Variants in MAST4 observed in about 807,000 individuals in gnomAD.
MAST4 encodes the protein microtubule-associated serine/threonine-protein kinase 4.
MAST4 carries 89 observed loss-of-function variants against 162.7 expected under a neutral mutation model. The ratio of observed to expected loss-of-function variants is 0.55; its 90% CI spans 0.46 to 0.65. The LOEUF (loss-of-function observed/expected upper bound fraction) is 0.65. MAST4 is among the 30% of genes least tolerant of loss of function. The pLI, the probability that MAST4 is intolerant of heterozygous loss-of-function variation, is 0.00. For missense variants in MAST4, 3,153 were observed against 3,374.0 expected (o/e 0.93, Z 1.62); for synonymous variants, 1,479 against 1,361.1 (o/e 1.09, Z -1.91).
At chr5:66,806,788 C>CT (rs1331737750) in intron 3 of MAST4, among the ~76,000 whole-genome samples, 1 of 152,032 alleles carries the variant, frequency 6.6e-6, no homozygotes, top group Non-Finnish European at 1.5e-5. Context: ...AAAATGTGTA[C>CT]TTTTTTATTA....
intron 1 of MAST4, among the ~76,000 whole-genome samples, chr5:66,664,856 C>T (rs916392266): frequency 1.3e-5 from 2 of 151,936 alleles, no homozygotes; most frequent in Non-Finnish European, 2.9e-5. Flanking sequence ...AACATTACAA[C>T]GAGAAAGTGA....
intron 1 of MAST4, among the ~76,000 whole-genome samples, chr5:66,677,298 G>C (rs745875654): frequency 1.2e-4 from 19 of 152,106 alleles, no homozygotes; most frequent in Non-Finnish European, 2.2e-4. Flanking sequence ...AAGTTACAAC[G>C]GCAATCACCA....
chr5:66,865,985 G>A (rs1004051023), intron 3 of MAST4, among the ~76,000 whole-genome samples: 4 of 148,228 alleles, frequency 2.7e-5, no homozygotes, highest in African/African-American at 1.0e-4. Context: ...TGAGGCAGGA[G>A]AATCGCTTGA....
rs551699273 is a variant in MAST4 at position 66,692,420 on chromosome 5, T to C, written c.364-67289T>C. Among the ~76,000 whole-genome samples, 349 of 152,072 alleles carry C rather than the reference T, an allele frequency of 2.3e-3. 1 individual carries two copies. The highest frequency in any genetic ancestry group is 3.4e-3 in the Middle Eastern group (1 of 294). On this transcript the variant is annotated intron_variant, in intron 1 of 28. Coordinates refer to ENST00000403625, the MANE Select transcript of MAST4 (RefSeq NM_001164664.2). Reference sequence around the variant, plus strand: ...TCTCCTCTCTTGCTCTCTTTTTTTTTTTTTTACTTTATTGTAGGGCTGTCC... The same window carrying C: ...TCTCCTCTCTTGCTCTCTTTTTTTTCTTTTTACTTTATTGTAGGGCTGTCC...
chr5:66,616,974 G>A (rs1013192403), intron 1 of MAST4, among the ~76,000 whole-genome samples: 3 of 152,156 alleles, frequency 2.0e-5, no homozygotes, highest in African/African-American at 7.2e-5. Context: ...GGAAAAAATG[G>A]TTTTAACTAA....
At position 66,837,630 on chromosome 5, in the gene MAST4, G is replaced by A. The variant is rs59735874; in HGVS notation, c.642+48836G>A. 5.5e-3 allele frequency among the ~76,000 whole-genome samples: 831 copies of A among 151,842 alleles called. 5 individuals are homozygous for A. Among genetic ancestry groups the A allele is most frequent in the African/African-American group, 0.018 (753 of 41,412 alleles). On this transcript the variant is annotated intron_variant, in intron 3 of 28. Transcript: ENST00000403625. ...AGCTGGCTGCCCTATTGAACCACCTGGAAAGCTTCCTAAAGCCTATAGTCT... is the reference window on the plus strand; with the variant it reads ...AGCTGGCTGCCCTATTGAACCACCTAGAAAGCTTCCTAAAGCCTATAGTCT...
Position 66,807,393 on chromosome 5 carries a change from G to A in MAST4, c.642+18599G>A, listed in dbSNP as rs192426440. 7.4e-3 allele frequency among the ~76,000 whole-genome samples: 1,127 copies of A among 152,196 alleles called. 13 individuals carry two copies. Among genetic ancestry groups the A allele is most frequent in the African/African-American group, 0.026 (1,062 of 41,516 alleles). ...CGCCTTTAGTCCCAGCTACTCGGGA[G>A]GCTGAGGCAGGAGAATGGCGTGAAC... On this transcript the variant is annotated intron_variant, in intron 3 of 28. Coordinates refer to ENST00000403625, the MANE Select transcript of MAST4 (RefSeq NM_001164664.2).
chr5:66,934,193 G>T (rs2150081921), intron 4 of MAST4, among the ~76,000 whole-genome samples: 1 of 142,990 alleles, frequency 7.0e-6, no homozygotes, highest in South Asian at 2.3e-4. Flanking sequence ...ATATACTATT[G>T]ACTACTCTGG....
intron 11 of MAST4, among the ~76,000 whole-genome samples, chr5:67,113,623 G>A (rs974951239): frequency 2.0e-5 from 3 of 151,930 alleles, no homozygotes; most frequent in East Asian, 1.9e-4. Flanking sequence ...TTTTGGATAC[G>A]TCTATATTAA....
chr5:66,932,350 C>T, intron 4 of MAST4, among the ~76,000 whole-genome samples: 1 of 152,076 alleles, frequency 6.6e-6, no homozygotes. Flanking sequence ...ATGGCTATTC[C>T]ATAGAAGACT....
At chr5:66,774,569 C>T (rs918597527) in intron 2 of MAST4, among the ~76,000 whole-genome samples, 5 of 152,108 alleles carry the variant, frequency 3.3e-5, no homozygotes, top group South Asian at 2.1e-4. Flanking sequence ...TAATGTTGTT[C>T]TTTTCTTAAA....
chr5:66,759,813 T>C lies in MAST4; in HGVS notation c.468T>C (p.Ser156=). Residue 156 remains serine, a synonymous_variant, in exon 2 of 29, where the codon AGT becomes AGC. Transcript: ENST00000403625. ...CACTGAAGTATAAAAGACAGCTGAGTGAGGATGGAAGACAGCTAAGGCGAG... is the reference window on the plus strand; with the variant it reads ...CACTGAAGTATAAAAGACAGCTGAGCGAGGATGGAAGACAGCTAAGGCGAG... ...GKSLKYKRQL[S]EDGRQLRRGS... 6.2e-7 allele frequency: 1 copy of C among 1,613,608 alleles called. No homozygotes were observed. The highest frequency in any genetic ancestry group is 8.5e-7 in the Non-Finnish European group (1 of 1,179,810).
At chr5:66,707,829 T>C (rs997476316) in intron 1 of MAST4, among the ~76,000 whole-genome samples, 3 of 151,872 alleles carry the variant, frequency 2.0e-5, no homozygotes, top group Non-Finnish European at 4.4e-5. Flanking sequence ...AGGGCAGGGG[T>C]GTGTGCTGTG....
intron 4 of MAST4, among the ~76,000 whole-genome samples, chr5:66,978,229 C>T (rs1440896789): frequency 1.3e-5 from 2 of 152,190 alleles, no homozygotes; most frequent in Admixed American, 6.5e-5. Flanking sequence ...CTCCCCTTCA[C>T]TTTCTGAATT....
In MAST4 at chr5:67,102,524, C is replaced by T. The variant is rs765729054; in HGVS notation, c.1071-12C>T. 1.2e-6 allele frequency: 2 copies of T among 1,613,250 alleles called. No homozygotes were observed. The highest frequency in any genetic ancestry group is 1.3e-5 in the African/African-American group (1 of 75,016). On this transcript the variant is annotated splice_polypyrimidine_tract_variant and intron_variant, in intron 8 of 28. Coordinates refer to ENST00000403625, the MANE Select transcript of MAST4 (RefSeq NM_001164664.2). ...GTGGCAAGTTTAAAAGGGTAATTTG[C>T]TTTGCTTGCAGCCCTGGACGTTCTC...
intron 1 of MAST4, among the ~76,000 whole-genome samples, chr5:66,638,564 T>C (rs34771245): frequency 0.051 from 7,766 of 152,264 alleles, 215 homozygotes; most frequent in Admixed American, 0.1. Context: ...AGAAAATTCA[T>C]TTATGTTTCT....
At chr5:66,951,004 T>G (rs1368760259) in intron 4 of MAST4, among the ~76,000 whole-genome samples, 1 of 152,204 alleles carries the variant, frequency 6.6e-6, no homozygotes, top group Non-Finnish European at 1.5e-5. Flanking sequence ...CTGTGTAGTG[T>G]TTTGTCATGT....
Position 66,596,460 on chromosome 5 carries a change from G to A in MAST4, c.-196G>A, listed in dbSNP as rs1742182127. On this transcript the variant is annotated 5_prime_UTR_variant, in exon 1 of 29. Coordinates refer to ENST00000403625, the MANE Select transcript of MAST4 (RefSeq NM_001164664.2). ...CGCGCGGGAGCCTCCGTTTGCGGCC[G>A]GGCCCGGGCGGCTGTGAACTTAGCA... 6.6e-6 allele frequency: 4 copies of A among 601,652 alleles called. No individual in the cohort carries two copies. The highest frequency in any genetic ancestry group is 4.4e-5 in the Admixed American group (1 of 22,730). The allele number at this position is 601,652 out of a possible 1,614,324, so 37.3% of individuals were successfully genotyped here.
intron 3 of MAST4, among the ~76,000 whole-genome samples, chr5:66,866,221 G>A (rs1457124861): frequency 8.8e-6 from 1 of 114,026 alleles, no homozygotes; most frequent in Non-Finnish European, 2.1e-5. Flanking sequence ...TTCAGCGATG[G>A]GGAGATCCCA....
Sources: allele counts gnomAD v4.1 joint callset (sites outside exome capture counted in the v4.1 genomes callset), GRCh38; gene constraint gnomAD v4.1.1; transcripts MANE v1.5; gene names NCBI Gene and HGNC (gene_info 2026-07-23, HGNC 2026-07-21).